THSD4: variants seen among roughly 807,000 people sequenced by gnomAD.
THSD4 encodes thrombospondin type-1 domain-containing protein 4.
A neutral mutation model predicts 119.0 loss-of-function variants in THSD4; 69 were observed. The observed-to-expected ratio is 0.58, with a 90% CI of 0.48 to 0.71. The LOEUF (loss-of-function observed/expected upper bound fraction) is 0.71. Among genes scored for constraint, THSD4 ranks in the 30% least tolerant of loss-of-function variants. THSD4 has a pLI of 0.00. For synonymous variants in THSD4, 524 were observed against 540.4 expected (o/e 0.97, Z 0.42); for missense variants, 1,393 against 1,391.1 (o/e 1.00, Z -0.02).
intron 8 of THSD4, among the ~76,000 whole-genome samples, chr15:71,683,523 A>C (rs554906524): frequency 2.0e-5 from 3 of 152,268 alleles, no homozygotes; most frequent in Non-Finnish European, 4.4e-5. Flanking sequence ...AAAAAATAAA[A>C]CAGGGGAAGA....
At position 71,551,288 on chromosome 15, in the gene THSD4, G is replaced by T. The variant is rs75139054; in HGVS notation, c.1153-109242G>T. On this transcript the variant is annotated intron_variant, in intron 7 of 17. Coordinates refer to ENST00000261862, the MANE Select transcript of THSD4 (RefSeq NM_024817.3). ...ATTAACCCTGTGCTGAAAAAAGAAA[G>T]GTGAAAAGACCAGATCTTTGTATTT... Among the ~76,000 whole-genome samples, 312 of 152,288 alleles carry T rather than the reference G, an allele frequency of 2.0e-3. 1 individual carries two copies. The highest frequency in any genetic ancestry group is 7.0e-3 in the African/African-American group (289 of 41,546).
chr15:71,250,525 C>T (rs2044248792), intron 5 of THSD4, among the ~76,000 whole-genome samples: 1 of 152,074 alleles, frequency 6.6e-6, no homozygotes, highest in Admixed American at 6.6e-5. Context: ...TGCTATGTTG[C>T]CCACGGTGGT....
At chr15:71,135,223 G>T (rs1215799373) in intron 1 of THSD4, among the ~76,000 whole-genome samples, 2 of 113,644 alleles carry the variant, frequency 1.8e-5, no homozygotes, top group South Asian at 3.9e-4. Flanking sequence ...GTGGTGGGGT[G>T]GGGGTAGGGG....
intron 7 of THSD4, among the ~76,000 whole-genome samples, chr15:71,573,054 C>T (rs2049386829): frequency 1.3e-5 from 2 of 152,214 alleles, no homozygotes; most frequent in South Asian, 4.1e-4. Flanking sequence ...CTAGGGGTTA[C>T]ACATAGAGGC....
At chr15:71,221,572 C>T (rs1292143849) in intron 4 of THSD4, among the ~76,000 whole-genome samples, 1 of 152,186 alleles carries the variant, frequency 6.6e-6, no homozygotes, top group African/African-American at 2.4e-5. Context: ...TTATTTCACT[C>T]AACATAATGT....
chr15:71,597,730 C>T (rs531156481), intron 7 of THSD4, among the ~76,000 whole-genome samples: 1 of 152,290 alleles, frequency 6.6e-6, no homozygotes, highest in Admixed American at 6.5e-5. Context: ...ACAAGCTCGA[C>T]GCCTTATGTG....
intron 8 of THSD4, among the ~76,000 whole-genome samples, chr15:71,711,921 G>A (rs947744304): frequency 1.1e-4 from 16 of 152,078 alleles, no homozygotes; most frequent in South Asian, 2.1e-4. Context: ...AACTGATAGC[G>A]TTGAAAGGAG....
chr15:71,462,186 G>A (rs2047438248), intron 7 of THSD4, among the ~76,000 whole-genome samples: 1 of 152,056 alleles, frequency 6.6e-6, no homozygotes, highest in South Asian at 2.1e-4. Context: ...TTTTGAGACA[G>A]GGTCTCACTC....
At chr15:71,603,164 G>A (rs2050045340) in intron 7 of THSD4, among the ~76,000 whole-genome samples, 1 of 152,224 alleles carries the variant, frequency 6.6e-6, no homozygotes, top group Non-Finnish European at 1.5e-5. Context: ...GTAGAGCTTT[G>A]CTCCTTGGTT....
intron 8 of THSD4, among the ~76,000 whole-genome samples, chr15:71,707,380 ACCAAATG>A (rs1185754368): frequency 6.6e-6 from 1 of 152,226 alleles, no homozygotes; most frequent in African/African-American, 2.4e-5. Context: ...AAAGCCACAT[ACCAAATG>A]CATGATTTCC....
chr15:71,729,313 TA>T (rs1446172252), intron 9 of THSD4: 2 of 153,250 alleles, frequency 1.3e-5, no homozygotes, highest in Non-Finnish European at 2.9e-5. Context: ...TCAAGAGTTT[TA>T]AATGGTCCTT....
chr15:71,459,160 C>CTTTT (rs372209662), intron 7 of THSD4, among the ~76,000 whole-genome samples: 1 of 128,882 alleles, frequency 7.8e-6, no homozygotes, highest in Admixed American at 8.1e-5. Context: ...TTCTTTTTTT[C>CTTTT]TTTTTTTTTT....
At chr15:71,467,215 A>G (rs2047513204) in intron 7 of THSD4, among the ~76,000 whole-genome samples, 1 of 152,208 alleles carries the variant, frequency 6.6e-6, no homozygotes, top group Non-Finnish European at 1.5e-5. Flanking sequence ...AACTTTACTA[A>G]AGATTAGGAT....
At chr15:71,458,937 C>T (rs2140605899) in intron 7 of THSD4, among the ~76,000 whole-genome samples, 1 of 152,222 alleles carries the variant, frequency 6.6e-6, no homozygotes, top group South Asian at 2.1e-4. Flanking sequence ...GTCGTGCCCA[C>T]TGTGGATGGC....
intron 7 of THSD4, among the ~76,000 whole-genome samples, chr15:71,623,879 C>T (rs977762605): frequency 5.3e-5 from 8 of 150,482 alleles, no homozygotes; most frequent in Non-Finnish European, 8.8e-5. Context: ...GCCGAGATGG[C>T]GCCATTGCCC....
intron 7 of THSD4, among the ~76,000 whole-genome samples, chr15:71,647,060 G>T (rs114745598): frequency 2.0e-5 from 3 of 152,132 alleles, no homozygotes; most frequent in African/African-American, 7.2e-5. Flanking sequence ...CACATCTGGG[G>T]GGCATGATTT....
chr15:71,729,090 C>T (rs896865687), intron 9 of THSD4: 21 of 252,238 alleles, frequency 8.3e-5, no homozygotes, highest in African/African-American at 4.4e-4. Flanking sequence ...CTTTTTATGG[C>T]AAAAGAAAGC....
chr15:71,750,992 C>A (rs746206902), intron 14 of THSD4, among the ~76,000 whole-genome samples: 3 of 152,226 alleles, frequency 2.0e-5, no homozygotes. Flanking sequence ...CAGAAATTCA[C>A]CCTGTGTCCA....
intron 8 of THSD4, among the ~76,000 whole-genome samples, chr15:71,696,166 G>T: frequency 6.6e-6 from 1 of 152,176 alleles, no homozygotes; most frequent in East Asian, 1.9e-4. Context: ...AATTTATAAA[G>T]AAAAGAGGTT....
Sources: gnomAD v4.1 joint callset for allele counts (sites outside exome capture counted in the v4.1 genomes callset) on GRCh38, gnomAD v4.1.1 for gene constraint, MANE v1.5 for transcripts, NCBI Gene and HGNC (gene_info 2026-07-23, HGNC 2026-07-21) for gene names.